TRAK2: variants seen among roughly 807,000 people sequenced by gnomAD.
TRAK2 encodes the protein trafficking kinesin-binding protein 2.
In TRAK2, 81 loss-of-function variants were observed where a neutral mutation model predicts 104.6. The observed-to-expected ratio is 0.77, with a 90% confidence interval of 0.65 to 0.93. The LOEUF (loss-of-function observed/expected upper bound fraction) is 0.93, where lower values mean the gene tolerates loss of function less well. Among genes scored for constraint, TRAK2 ranks in the 40% least tolerant of loss-of-function variants. The probability of loss-of-function intolerance (pLI) is 0.00; values close to 1 mark genes in which losing one functional copy is unlikely to be tolerated. For synonymous variants in TRAK2, 406 were observed against 394.4 expected, an observed-to-expected ratio of 1.03 and a Z score of -0.35; for missense variants, 1,002 against 1,089.0, an observed-to-expected ratio of 0.92 and a Z score of 1.12.
At chr2:201,423,037 CCACACA>C (rs142826543) in intron 1 of TRAK2, among the ~76,000 whole-genome samples, 2,154 of 134,204 alleles carry the variant, frequency 0.016, 39 homozygotes, top group Admixed American at 0.037. Context: ...AACACCACCA[CCACACA>C]CACACACACA....
intron 4 of TRAK2, 99 bp downstream of exon 4, chr2:201,400,919 G>T: frequency 1.2e-6 from 1 of 836,970 alleles, no homozygotes; most frequent in Non-Finnish European, 2.0e-6. Context: ...ATAACCCAGA[G>T]CACGTACAAC....
In TRAK2 at chr2:201,447,793, T is replaced by TC. The variant is rs956874580; in HGVS notation, c.-200+3556dup. On this transcript the variant is annotated intron_variant, in intron 1 of 15. Coordinates refer to ENST00000332624, the MANE Select transcript of TRAK2 (RefSeq NM_015049.3). The surrounding 1 kb of genome is among the most constrained non-coding windows in gnomAD (Gnocchi z 4.1). ...CACAATTCAGCCCATAACAACCCCTTCCCCTTTTCTCTGCCCAGGCTAATT... is the reference window on the plus strand; with the variant it reads ...CACAATTCAGCCCATAACAACCCCTTCCCCCTTTTCTCTGCCCAGGCTAATT... Among the ~76,000 whole-genome samples the TC allele has an allele frequency of 1.3e-5, 2 of 152,164 alleles. No individual in the cohort carries two copies. Among genetic ancestry groups the TC allele is most frequent in the African/African-American group, 2.4e-5 (1 of 41,436 alleles).
chr2:201,411,906 G>T, intron 2 of TRAK2: 1 of 1,040,590 alleles, frequency 9.6e-7, no homozygotes, highest in Non-Finnish European at 1.5e-6. Flanking sequence ...GCAAAGGTTG[G>T]AATGATGTTT....
intron 2 of TRAK2, among the ~76,000 whole-genome samples, chr2:201,408,328 A>G (rs897739977): frequency 6.6e-6 from 1 of 152,082 alleles, no homozygotes; most frequent in Non-Finnish European, 1.5e-5. Flanking sequence ...TTAATTTTTA[A>G]AAGTTTTTAT....
intron 10 of TRAK2, among the ~76,000 whole-genome samples, chr2:201,390,661 G>A (rs1030943871): frequency 2.0e-5 from 3 of 151,204 alleles, no homozygotes; most frequent in African/African-American, 2.4e-5. Context: ...GAACAAGCAA[G>A]CTTCCTCTTC....
Position 201,379,464 on chromosome 2 carries a change from T to C in TRAK2, c.*1079A>G, listed in dbSNP as rs1451126000. 2 of 152,656 alleles carry C rather than the reference T, an allele frequency of 1.3e-5. No individual in the cohort carries two copies. The highest frequency in any genetic ancestry group is 2.9e-5 in the Non-Finnish European group (2 of 68,042). The allele number at this position is 152,656 out of a possible 1,614,324, so 9.5% of individuals were successfully genotyped here. ...CTCAAAGCAAGCACCCGGGTTTTACTTCAGTTTACAATAATTTAATGTGCC... is the reference window on the plus strand; with the variant it reads ...CTCAAAGCAAGCACCCGGGTTTTACCTCAGTTTACAATAATTTAATGTGCC... On this transcript the variant is annotated 3_prime_UTR_variant, in exon 16 of 16. Transcript: ENST00000332624.
Position 201,398,141 on chromosome 2 carries a change from G to A in TRAK2, c.690+4C>T, listed in dbSNP as rs754435222. 6.8e-6 allele frequency: 11 copies of A among 1,612,772 alleles called. No individual in the cohort carries two copies. The Admixed American group carries it at 1.3e-4, about 20-fold the overall frequency. On this transcript the variant is annotated splice_donor_region_variant and intron_variant, in intron 6 of 15. Transcript: ENST00000332624. Reference sequence around the variant, plus strand: ...AAGGAAAATGGCAATTAGGTTGAACGTACCTTGGATCGAAGAGCCATATTC... The same window carrying A: ...AAGGAAAATGGCAATTAGGTTGAACATACCTTGGATCGAAGAGCCATATTC...
intron 1 of TRAK2, among the ~76,000 whole-genome samples, chr2:201,446,232 A>G (rs1179398358): frequency 6.6e-6 from 1 of 152,064 alleles, no homozygotes; most frequent in African/African-American, 2.4e-5. Flanking sequence ...CAGCCAAAAG[A>G]AAGAACTGCA....
At chr2:201,430,721 G>A (rs953291980) in intron 1 of TRAK2, among the ~76,000 whole-genome samples, 15 of 152,176 alleles carry the variant, frequency 9.9e-5, no homozygotes, top group African/African-American at 1.9e-4. Flanking sequence ...TCCAGGTACC[G>A]TCTGTCATGG....
At chr2:201,406,085 G>A (rs529429798) in intron 3 of TRAK2, among the ~76,000 whole-genome samples, 47 of 152,300 alleles carry the variant, frequency 3.1e-4, no homozygotes, top group Admixed American at 2.2e-3. Flanking sequence ...TGTTTTTCCA[G>A]AAAAATCTCA....
rs549495506 is a variant in TRAK2 at position 201,377,941 on chromosome 2, G to A, written c.*2602C>T. On this transcript the variant is annotated 3_prime_UTR_variant, in exon 16 of 16. Transcript: ENST00000332624. ...TGAAAGTACACATACAATTTTTATCGTAGAAAAGACTAAAATGTGAATAGT... is the reference window on the plus strand; with the variant it reads ...TGAAAGTACACATACAATTTTTATCATAGAAAAGACTAAAATGTGAATAGT... 1.3e-5 allele frequency: 2 copies of A among 152,038 alleles called. No homozygotes were observed. Among genetic ancestry groups the A allele is most frequent in the African/African-American group, 2.4e-5 (1 of 41,372 alleles). The allele number at this position is 152,038 out of a possible 1,614,324, so 9.4% of individuals were successfully genotyped here. A position where few individuals can be genotyped will look rare whatever the true frequency, so the allele number is the denominator to read the frequency against.
intron 1 of TRAK2, among the ~76,000 whole-genome samples, chr2:201,435,621 GTTATTATTACCAA>G (rs1038235128): frequency 4.6e-5 from 7 of 152,056 alleles, no homozygotes; most frequent in Non-Finnish European, 1.0e-4. Flanking sequence ...TAATAAAAGG[GTTATTATTACCAA>G]ATCATACCTA....
chr2:201,412,017 G>A, intron 2 of TRAK2: 2 of 1,021,730 alleles, frequency 2.0e-6, no homozygotes, highest in Non-Finnish European at 3.1e-6. Context: ...TTGGTTAGTA[G>A]CAAATCCATT....
At chr2:201,406,433 A>C (rs933088425) in intron 3 of TRAK2, among the ~76,000 whole-genome samples, 2 of 152,210 alleles carry the variant, frequency 1.3e-5, no homozygotes, top group Admixed American at 6.5e-5. Context: ...AACAATGTTT[A>C]TAATTTTTTT....
chr2:201,444,220 T>TA (rs1388671552), intron 1 of TRAK2, among the ~76,000 whole-genome samples: 1 of 151,572 alleles, frequency 6.6e-6, no homozygotes, highest in Non-Finnish European at 1.5e-5. Context: ...AATAATAAAA[T>TA]AAAAATAAAA....
At chr2:201,437,164 T>C (rs1372835030) in intron 1 of TRAK2, among the ~76,000 whole-genome samples, 1 of 152,174 alleles carries the variant, frequency 6.6e-6, no homozygotes, top group Non-Finnish European at 1.5e-5. Context: ...AACAGGTAAA[T>C]TTTTTGAGAT....
intron 1 of TRAK2, among the ~76,000 whole-genome samples, chr2:201,432,342 A>G (rs1951848832): frequency 6.6e-6 from 1 of 152,204 alleles, no homozygotes; most frequent in Non-Finnish European, 1.5e-5. Flanking sequence ...TAGTCTGTGC[A>G]CACGTATTCT....
chr2:201,387,908 T>TTA lies in TRAK2; in HGVS notation c.1490_1491insTA (p.Leu497PhefsTer115). On this transcript the variant is annotated frameshift_variant, in exon 13 of 16. Transcript: ENST00000332624. LOFTEE classifies it high-confidence loss of function. Reference sequence around the variant, plus strand: ...CTTCAGCAAAGAACTGCTTCTCACTTAAATAGTTTTGTCGACGCAAGCTAA... The same window carrying TTA: ...CTTCAGCAAAGAACTGCTTCTCACTTTAAAATAGTTTTGTCGACGCAAGCTAA... The TTA allele has an allele frequency of 6.2e-7, 1 of 1,614,152 alleles. No individual in the cohort carries two copies. The highest frequency in any genetic ancestry group is 8.5e-7 in the Non-Finnish European group (1 of 1,180,012).
intron 1 of TRAK2, among the ~76,000 whole-genome samples, chr2:201,428,267 A>T (rs921654169): frequency 6.6e-6 from 1 of 152,104 alleles, no homozygotes; most frequent in African/African-American, 2.4e-5. Flanking sequence ...GAATGGAATT[A>T]CCTAGGTTTT....
Sources: gnomAD v4.1 joint callset for allele counts (sites outside exome capture counted in the v4.1 genomes callset) on GRCh38, gnomAD v4.1.1 for gene constraint, Gnocchi (gnomAD v3.1) non-coding constraint, MANE v1.5 for transcripts, NCBI Gene and HGNC (gene_info 2026-07-23, HGNC 2026-07-21) for gene names.